The following ZFHX2 variants were observed in gnomAD, a reference collection of about 807,000 sequenced individuals.
The protein encoded by ZFHX2 is zinc finger homeobox 2, also known as zinc finger homeobox protein 2.
ZFHX2 carries 75 observed loss-of-function variants against 164.8 expected under a neutral mutation model. The observed-to-expected ratio is 0.46, with a 90% CI of 0.38 to 0.55. The LOEUF is 0.55. Among genes scored for constraint, ZFHX2 ranks in the 20% least tolerant of loss-of-function variants. The pLI is 0.00. For missense variants in ZFHX2, 2,933 were observed against 3,308.0 expected (o/e 0.89, Z 2.78); for synonymous variants, 1,217 against 1,351.4 (o/e 0.90, Z 2.18).
rs144239375 is a variant in ZFHX2, at chr14:23,521,332, G to A, written c.*630C>T. The A allele has an allele frequency of 1.5e-4, 23 of 152,648 alleles. No individual in the cohort carries two copies. The East Asian group carries it at 3.5e-3, about 23-fold the overall frequency. 9.5% of individuals were successfully genotyped at this position (152,648 alleles called of 1,614,324 possible). A position where few individuals can be genotyped will look rare whatever the true frequency, so the allele number is the denominator to read the frequency against. On this transcript the variant is annotated 3_prime_UTR_variant, in exon 10 of 10. Coordinates refer to ENST00000419474, the MANE Select transcript of ZFHX2 (RefSeq NM_033400.3). ...CCTCCAGTTTGGTTAGAGTTTTGTG[G>A]GCTCCCTGCCCATGCCAGGCTCCAA...
chr14:23,529,564 C>T, intron 6 of ZFHX2, 146 bp downstream of exon 6: 1 of 828,036 alleles, frequency 1.2e-6, no homozygotes. Context: ...ACATGTGGAA[C>T]TGGATCTGGG....
In ZFHX2 at chr14:23,526,021, C is replaced by T; in HGVS notation, c.3921G>A (p.Glu1307=). Residue 1307 remains glutamate, a synonymous_variant, in exon 9 of 10, where the codon GAG becomes GAA. Transcript: ENST00000419474. Reference sequence around the variant, plus strand: ...AGCCACTGGTGTCAGGGCCCTTCTTCTCAGTGCCCACCTCCCCCTCTGTCT... The same window carrying T: ...AGCCACTGGTGTCAGGGCCCTTCTTTTCAGTGCCCACCTCCCCCTCTGTCT... ...EGETEGEVGT[E]KKGPDTSGFI... is the part of the protein sequence containing the mutation. 7 of 1,535,458 alleles carry T rather than the reference C, an allele frequency of 4.6e-6. No individual in the cohort carries two copies. The highest frequency in any genetic ancestry group is 6.1e-6 in the Non-Finnish European group (7 of 1,146,412).
chr14:23,525,781 C>G lies in ZFHX2; in HGVS notation c.4161G>C (p.Leu1387=), dbSNP rs1198477873. The change falls in exon 9 of 10, where the codon CTG becomes CTC. Residue 1387 remains leucine, a synonymous_variant. Coordinates refer to ENST00000419474, the MANE Select transcript of ZFHX2 (RefSeq NM_033400.3). The surrounding 1 kb of genome is among the most constrained non-coding windows in gnomAD (Gnocchi z 5.9). ...KLTLAGPAPV[L]SLPAATPPPP... The stretch of plus-strand genomic sequence containing the variant: ...GAGGAGGGGTGGCAGCTGGCAGGGA[C>G]AGCACAGGTGCAGGCCCAGCTAGTG... 29 of 1,500,714 alleles carry G rather than the reference C, an allele frequency of 1.9e-5. No individual in the cohort carries two copies. The highest frequency in any genetic ancestry group is 2.4e-5 in the Non-Finnish European group (27 of 1,128,894). The allele number at this position is 1,500,714 out of a possible 1,614,324, so 93.0% of individuals were successfully genotyped here.
chr14:23,525,554 G>C lies in ZFHX2; in HGVS notation c.4388C>G (p.Pro1463Arg), dbSNP rs1431013905. The C allele has an allele frequency of 6.5e-7, 1 of 1,535,216 alleles. No individual in the cohort carries two copies. Among genetic ancestry groups the C allele is most frequent in the African/African-American group, 1.4e-5 (1 of 73,014 alleles). ...IQYNEGKQAV[P>R]PPPTPPPPEA... ...AGGTGGGGGTGGGGTAGGGGGAGGG[G>C]GCACAGCTTGCTTCCCTTCATTGTA... The change falls in exon 9 of 10, where the codon CCC (proline) becomes CGC (arginine). Residue 1463 changes from proline (P) to arginine (R), a missense_variant. Pro to Arg is a moderately radical substitution (Grantham distance 103). Coordinates refer to ENST00000419474, the MANE Select transcript of ZFHX2 (RefSeq NM_033400.3). This position sits in a 1 kb window ranked among gnomAD's most constrained non-coding sequence, Gnocchi z 5.9.
At position 23,530,185 on chromosome 14, in the gene ZFHX2, G is replaced by A. The variant is rs1566581198; in HGVS notation, c.2810C>T (p.Pro937Leu). The A allele has an allele frequency of 6.5e-7, 1 of 1,535,446 alleles. No individual in the cohort carries two copies. Among genetic ancestry groups the A allele is most frequent in the East Asian group, 2.4e-5 (1 of 40,904 alleles). The change falls in exon 5 of 10, where the codon CCT becomes CTT. Residue 937 changes from proline to leucine, a missense_variant. Coordinates refer to ENST00000419474, the MANE Select transcript of ZFHX2 (RefSeq NM_033400.3). ...HGQLRTPGKA[P>L]VTPLAEPPTP... ...GGGTGGCTCAGCTAAGGGGGTGACAGGAGCCTTCCCTGTGTAGGATGGGGG... is the reference window on the plus strand; with the variant it reads ...GGGTGGCTCAGCTAAGGGGGTGACAAGAGCCTTCCCTGTGTAGGATGGGGG...
rs1401086563 is a variant in ZFHX2 at position 23,534,838 on chromosome 14, G to T, written c.488C>A (p.Pro163His). The T allele has an allele frequency of 5.2e-6, 8 of 1,536,060 alleles. No individual in the cohort carries two copies. The East Asian group carries it at 1.2e-4, about 23-fold the overall frequency. ...PSLPFLAYPP[P>H]SHLTALHIQH... is the part of the protein sequence containing the mutation. ...GATGTGAAGGGCAGTGAGGTGTGAG[G>T]GGGGTGGGTAGGCAAGGAAGGGCAG... is the stretch of plus-strand genomic sequence containing the variant. The change falls in exon 2 of 10, where the codon CCC (proline) becomes CAC (histidine). Residue 163 changes from proline (P) to histidine (H), a missense_variant. Physicochemically the swap from Pro to His is moderately conservative, Grantham distance 77 (BLOSUM62 -2). Coordinates refer to ENST00000419474, the MANE Select transcript of ZFHX2 (RefSeq NM_033400.3). This position sits in a 1 kb window ranked among gnomAD's most constrained non-coding sequence, Gnocchi z 4.5.
chr14:23,554,550 T>A (rs1036197055), upstream of ZFHX2, among the ~76,000 whole-genome samples: 11 of 80,924 alleles, frequency 1.4e-4, no homozygotes, highest in African/African-American at 7.7e-4. Context: ...CTAATTAAAA[T>A]TTTTTTTTTT....
In ZFHX2 at chr14:23,522,800, G is replaced by A. The variant is rs1048144120; in HGVS notation, c.6881C>T (p.Thr2294Ile). Reference protein sequence around the residue: ...DQTNTSTAGTTDPVPGPPTEP... With the variant: ...DQTNTSTAGTIDPVPGPPTEP... ...AGTAGGAGGGCCTGGGACAGGGTCA[G>A]TGGTGCCTGCTGTGGAGGTGTTGGT... Residue 2294 changes from threonine to isoleucine, a missense_variant, in exon 10 of 10, where the codon ACT (threonine) becomes ATT (isoleucine). Transcript: ENST00000419474. The A allele has an allele frequency of 1.2e-5, 18 of 1,536,208 alleles. No individual in the cohort carries two copies. Among genetic ancestry groups the A allele is most frequent in the Non-Finnish European group, 1.4e-5 (16 of 1,146,854 alleles).
intron 1 of ZFHX2, chr14:23,537,922 G>A (rs1273823325): frequency 6.6e-6 from 1 of 152,378 alleles, no homozygotes; most frequent in Non-Finnish European, 1.5e-5. Flanking sequence ...GCCGCCAAGG[G>A]CTGTACACAG....
chr14:23,526,686 G>C lies in ZFHX2; in HGVS notation c.3263-7C>G. Reference sequence around the variant, plus strand: ...GGGGTCAGGTTAGGGCCTTCTAGGGGAGAGAGAAGAAAGTACAATGAGGAG... The same window carrying C: ...GGGGTCAGGTTAGGGCCTTCTAGGGCAGAGAGAAGAAAGTACAATGAGGAG... On this transcript the variant is annotated splice_region_variant and splice_polypyrimidine_tract_variant and intron_variant, in intron 8 of 9. Transcript: ENST00000419474. 2.6e-6 allele frequency: 4 copies of C among 1,535,950 alleles called. No individual in the cohort carries two copies. The highest frequency in any genetic ancestry group is 1.2e-5 in the South Asian group (1 of 84,052).
chr14:23,550,140 G>A (rs1311046714), intron 1 of ZFHX2, among the ~76,000 whole-genome samples: 1 of 152,242 alleles, frequency 6.6e-6, no homozygotes, highest in East Asian at 1.9e-4. Flanking sequence ...ACCAGAAGGT[G>A]AGGTTCTGAT....
In ZFHX2 at chr14:23,524,616, T is replaced by C. The variant is rs938931532; in HGVS notation, c.5326A>G (p.Ile1776Val). The change falls in exon 9 of 10, where the codon ATT (isoleucine) becomes GTT (valine). Residue 1776 changes from isoleucine to valine, a missense_variant. Physicochemically the swap from Ile to Val is conservative, Grantham distance 29 (BLOSUM62 3). Transcript: ENST00000419474. The surrounding 1 kb of genome is among the most constrained non-coding windows in gnomAD (Gnocchi z 5.6). ...SPAHTCDQCAISFSSQDLLTS... is the reference protein window; with the variant it reads ...SPAHTCDQCAVSFSSQDLLTS... Reference sequence around the variant, plus strand: ...AGGAGGTCCTGGCTGGAGAAAGAAATGGCACACTGGTCACAGGTATGGGCT... The same window carrying C: ...AGGAGGTCCTGGCTGGAGAAAGAAACGGCACACTGGTCACAGGTATGGGCT... 3.1e-5 allele frequency: 48 copies of C among 1,536,148 alleles called. No homozygotes were observed. Among genetic ancestry groups the C allele is most frequent in the Non-Finnish European group, 4.2e-5 (48 of 1,146,892 alleles).
rs1156289625 is a variant in ZFHX2, at chr14:23,520,971, C to G, written c.*991G>C. On this transcript the variant is annotated 3_prime_UTR_variant, in exon 10 of 10. Transcript: ENST00000419474. The surrounding 1 kb of genome is among the most constrained non-coding windows in gnomAD (Gnocchi z 8.7). ...TTTTGTGCGCGTGTGCACGTACTCT[C>G]TCTCGCTCTTGCTTTTTTGGTTGTG... The G allele has an allele frequency of 6.6e-6, 1 of 151,402 alleles. No individual in the cohort carries two copies. Among genetic ancestry groups the G allele is most frequent in the African/African-American group, 2.4e-5 (1 of 41,092 alleles). The allele number at this position is 151,402 out of a possible 1,614,324, so 9.4% of individuals were successfully genotyped here. A position where few individuals can be genotyped will look rare whatever the true frequency, so the allele number is the denominator to read the frequency against.
In ZFHX2 at chr14:23,525,368, C is replaced by T. The variant is rs1345639562; in HGVS notation, c.4574G>A (p.Ser1525Asn). The change falls in exon 9 of 10, where the codon AGC becomes AAC. Residue 1525 changes from serine to asparagine, a missense_variant. Physicochemically the swap from Ser to Asn is conservative, Grantham distance 46. Transcript: ENST00000419474. The surrounding 1 kb of genome is among the most constrained non-coding windows in gnomAD (Gnocchi z 5.9). ...YAAQFRKSYD[S>N]LYPPLAEPPK... is the part of the protein sequence containing the mutation. Reference sequence around the variant, plus strand: ...AGGCTCTGCAAGGGGCGGGTATAGGCTGTCATAGCTCTTTCGAAACTGAGC... The same window carrying T: ...AGGCTCTGCAAGGGGCGGGTATAGGTTGTCATAGCTCTTTCGAAACTGAGC... The T allele has an allele frequency of 7.2e-6, 11 of 1,536,156 alleles. No homozygotes were observed. Among genetic ancestry groups the T allele is most frequent in the Middle Eastern group, 1.7e-4 (1 of 5,990 alleles).
chr14:23,530,204 A>G lies in ZFHX2; in HGVS notation c.2801-10T>C. On this transcript the variant is annotated splice_polypyrimidine_tract_variant and intron_variant, in intron 4 of 9. Transcript: ENST00000419474. Reference sequence around the variant, plus strand: ...GTGACAGGAGCCTTCCCTGTGTAGGATGGGGGGAGAGTCAGCTTAAAGAGG... The same window carrying G: ...GTGACAGGAGCCTTCCCTGTGTAGGGTGGGGGGAGAGTCAGCTTAAAGAGG... 2 of 1,523,900 alleles carry G rather than the reference A, an allele frequency of 1.3e-6. No homozygotes were observed. The highest frequency in any genetic ancestry group is 1.8e-6 in the Non-Finnish European group (2 of 1,136,288). The allele number at this position is 1,523,900 out of a possible 1,614,324, so 94.4% of individuals were successfully genotyped here. A position where few individuals can be genotyped will look rare whatever the true frequency, so the allele number is the denominator to read the frequency against.
At position 23,521,492 on chromosome 14, in the gene ZFHX2, T is replaced by C. The variant is rs1224352602; in HGVS notation, c.*470A>G. The C allele has an allele frequency of 6.4e-6, 1 of 155,168 alleles. No homozygotes were observed. Among genetic ancestry groups the C allele is most frequent in the Non-Finnish European group, 1.4e-5 (1 of 70,054 alleles). The allele number at this position is 155,168 out of a possible 1,614,324, so 9.6% of individuals were successfully genotyped here. On this transcript the variant is annotated 3_prime_UTR_variant, in exon 10 of 10. Transcript: ENST00000419474. ...TCTTTGCCTTGGGCTTTCTTTTTCG[T>C]TTCTTCTTTTTATCTTCTTTTTCAA...
In ZFHX2 at chr14:23,523,329, G is replaced by C. The variant is rs1878285351; in HGVS notation, c.6613C>G (p.Pro2205Ala). 1 of 1,457,588 alleles carries C rather than the reference G, an allele frequency of 6.9e-7. No individual in the cohort carries two copies. Among genetic ancestry groups the C allele is most frequent in the South Asian group, 1.4e-5 (1 of 70,646 alleles). 90.3% of individuals were successfully genotyped at this position (1,457,588 alleles called of 1,614,324 possible). The change falls in exon 9 of 10, where the codon CCT becomes GCT. Residue 2205 changes from proline (P) to alanine (A), a missense_variant. Coordinates refer to ENST00000419474, the MANE Select transcript of ZFHX2 (RefSeq NM_033400.3). The surrounding 1 kb of genome is among the most constrained non-coding windows in gnomAD (Gnocchi z 4.1). Reference protein sequence around the residue: ...PEAPPALKAPPATTPASMPLG... With the variant: ...PEAPPALKAPAATTPASMPLG... Reference sequence around the variant, plus strand: ...GGCATGGAGGCAGGTGTGGTGGCAGGTGGGGCCTTGAGAGCTGGGGGAGCC... The same window carrying C: ...GGCATGGAGGCAGGTGTGGTGGCAGCTGGGGCCTTGAGAGCTGGGGGAGCC...
rs1033706542 is a variant in ZFHX2, at chr14:23,532,945, G to A, written c.2181C>T (p.Phe727=). The change falls in exon 3 of 10, where the codon TTC becomes TTT. Residue 727 remains phenylalanine (F), a synonymous_variant. Coordinates refer to ENST00000419474, the MANE Select transcript of ZFHX2 (RefSeq NM_033400.3). The stretch of plus-strand genomic sequence containing the variant: ...GCAGCAGCTCCAGGCTGTCTGTGCT[G>A]AAGGCCTGGCACACTAGGCAGCGGA... ...KVFRCLVCQA[F]STDSLELLLY... 2.0e-6 allele frequency: 3 copies of A among 1,536,100 alleles called. No homozygotes were observed. The African/African-American group carries it at 4.1e-5, about 21-fold the overall frequency.
chr14:23,540,418 T>TA (rs374561859), intron 1 of ZFHX2, among the ~76,000 whole-genome samples: 116 of 152,342 alleles, frequency 7.6e-4, no homozygotes, highest in African/African-American at 2.7e-3. Flanking sequence ...CACCCTTCCA[T>TA]ACTCACTGTC....
Sources: allele counts gnomAD v4.1 joint callset (sites outside exome capture counted in the v4.1 genomes callset), GRCh38; gene constraint gnomAD v4.1.1; non-coding constraint Gnocchi (gnomAD v3.1); transcripts MANE v1.5; gene names NCBI Gene and HGNC (gene_info 2026-07-23, HGNC 2026-07-21).